Variants in A4GALT observed in about 807,000 individuals in gnomAD.
A4GALT encodes the protein lactosylceramide 4-alpha-galactosyltransferase.
For missense variants in A4GALT, 512 were observed against 486.0 expected (o/e 1.05, Z -0.50); for synonymous variants, 257 against 220.7 (o/e 1.16, Z -1.46).
intron 1 of A4GALT, among the ~76,000 whole-genome samples, chr22:42,715,140 G>T (rs889169967): frequency 6.6e-6 from 1 of 152,098 alleles, no homozygotes; most frequent in Non-Finnish European, 1.5e-5. Context: ...TGATTGGGAT[G>T]ATTTTGGGAG....
At chr22:42,711,000 A>C (rs570216454) in intron 1 of A4GALT, among the ~76,000 whole-genome samples, 1 of 150,972 alleles carries the variant, frequency 6.6e-6, no homozygotes, top group Admixed American at 6.6e-5. Context: ...ACTCCAGCGT[A>C]GATGACACAG....
intron 1 of A4GALT, among the ~76,000 whole-genome samples, chr22:42,709,067 A>ATATATATATATATATTTT (rs1180529043): frequency 1.1e-4 from 14 of 128,834 alleles, no homozygotes; most frequent in South Asian, 2.6e-4. Flanking sequence ...ATATATATAT[A>ATATATATATATATATTTT]TTTTTTTTAA....
intron 1 of A4GALT, among the ~76,000 whole-genome samples, chr22:42,709,826 G>A (rs1158199866): frequency 6.6e-6 from 1 of 152,008 alleles, no homozygotes; most frequent in Non-Finnish European, 1.5e-5. Flanking sequence ...GGGTGATTCA[G>A]GAATGCAAGT....
At chr22:42,698,468 C>G (rs928628192) in intron 1 of A4GALT, among the ~76,000 whole-genome samples, 1 of 152,222 alleles carries the variant, frequency 6.6e-6, no homozygotes, top group Non-Finnish European at 1.5e-5. Context: ...AGTAAGGGCG[C>G]TACCCCTCCA....
At chr22:42,699,953 C>A (rs1931189698) in intron 1 of A4GALT, among the ~76,000 whole-genome samples, 1 of 152,216 alleles carries the variant, frequency 6.6e-6, no homozygotes, top group Non-Finnish European at 1.5e-5. Flanking sequence ...TCCTGCCTCA[C>A]TGCTGAGCTG....
intron 1 of A4GALT, among the ~76,000 whole-genome samples, 161 bp downstream of exon 1, chr22:42,720,636 C>T (rs1922640567): frequency 6.6e-6 from 1 of 151,938 alleles, no homozygotes; most frequent in Admixed American, 6.5e-5. Context: ...GGGGTTCGTG[C>T]GCGCACAAAT....
At chr22:42,700,790 C>T (rs567778586) in intron 1 of A4GALT, among the ~76,000 whole-genome samples, 1 of 152,356 alleles carries the variant, frequency 6.6e-6, no homozygotes, top group East Asian at 1.9e-4. Context: ...GCCCAGCCCA[C>T]GGAACAGGCC....
chr22:42,719,950 C>G (rs565703181), intron 1 of A4GALT, among the ~76,000 whole-genome samples: 68 of 152,262 alleles, frequency 4.5e-4, no homozygotes, highest in Middle Eastern at 3.4e-3. Flanking sequence ...CCACTCAGGG[C>G]CAGAGGCTCA....
intron 1 of A4GALT, among the ~76,000 whole-genome samples, chr22:42,699,578 G>C (rs747936600): frequency 1.3e-5 from 2 of 152,168 alleles, no homozygotes; most frequent in African/African-American, 2.4e-5. Context: ...TGCAGGGCAA[G>C]GGGAGGGCTC....
At position 42,703,705 on chromosome 22, in the gene A4GALT, G is replaced by A. The variant is rs1029220824; in HGVS notation, c.-187-8074C>T. On this transcript the variant is annotated intron_variant, in intron 1 of 2. Transcript: ENST00000642412. ...CCTCAGATTCCCTTCTGCACAGTGC[G>A]GGGAAGGGAGGGTGCAGGCTAACCA... 2.6e-5 allele frequency among the ~76,000 whole-genome samples: 4 copies of A among 152,154 alleles called. No individual in the cohort carries two copies. The East Asian group carries it at 5.8e-4, about 22-fold the overall frequency.
chr22:42,716,494 A>T (rs1461129668), intron 1 of A4GALT, among the ~76,000 whole-genome samples: 1 of 152,114 alleles, frequency 6.6e-6, no homozygotes, highest in Non-Finnish European at 1.5e-5. Context: ...TCAATCCCTC[A>T]CCATCCTGTG....
intron 1 of A4GALT, among the ~76,000 whole-genome samples, chr22:42,707,333 A>G (rs368677776): frequency 7.2e-5 from 11 of 152,316 alleles, no homozygotes; most frequent in Middle Eastern, 3.4e-3. Flanking sequence ...AAAAAATTTT[A>G]TCTATGGGAT....
At chr22:42,700,493 A>G (rs896617900) in intron 1 of A4GALT, among the ~76,000 whole-genome samples, 7 of 152,182 alleles carry the variant, frequency 4.6e-5, no homozygotes. Context: ...GGGGCGCATC[A>G]GTGACCACGA....
chr22:42,711,203 T>C (rs1921662116), intron 1 of A4GALT, among the ~76,000 whole-genome samples: 1 of 152,142 alleles, frequency 6.6e-6, no homozygotes, highest in Non-Finnish European at 1.5e-5. Context: ...ACAAGTAAGC[T>C]AGAGCAAGGA....
chr22:42,706,781 T>A (rs1921178031), intron 1 of A4GALT, among the ~76,000 whole-genome samples: 1 of 141,390 alleles, frequency 7.1e-6, no homozygotes, highest in Non-Finnish European at 1.5e-5. Context: ...GGTGATGGAG[T>A]GAGACTCCAT....
chr22:42,708,953 C>A (rs1921412703), intron 1 of A4GALT, among the ~76,000 whole-genome samples: 1 of 151,156 alleles, frequency 6.6e-6, no homozygotes, highest in Non-Finnish European at 1.5e-5. Flanking sequence ...ACAAAAGCAC[C>A]AGGGCAAAAC....
At chr22:42,712,631 G>A (rs1002548292) in intron 1 of A4GALT, among the ~76,000 whole-genome samples, 7 of 151,926 alleles carry the variant, frequency 4.6e-5, no homozygotes, top group South Asian at 2.1e-4. Flanking sequence ...TAGCAAGGCC[G>A]AGTGTGGTGA....
chr22:42,712,060 C>T (rs1370741350), intron 1 of A4GALT, among the ~76,000 whole-genome samples: 1 of 152,202 alleles, frequency 6.6e-6, no homozygotes, highest in Admixed American at 6.5e-5. Context: ...ACAGCTGCCT[C>T]ATTATTTGAA....
chr22:42,692,694 C>T lies in A4GALT; in HGVS notation c.*196G>A, dbSNP rs1467134708. 4.0e-5 allele frequency: 29 copies of T among 730,960 alleles called. No individual in the cohort carries two copies. Among genetic ancestry groups the T allele is most frequent in the Non-Finnish European group, 7.0e-5 (29 of 413,874 alleles). 45.3% of individuals were successfully genotyped at this position (730,960 alleles called of 1,614,324 possible). On this transcript the variant is annotated 3_prime_UTR_variant, in exon 3 of 3. Coordinates refer to ENST00000642412, the MANE Select transcript of A4GALT (RefSeq NM_017436.7). This position sits in a 1 kb window ranked among gnomAD's most constrained non-coding sequence, Gnocchi z 4.6. ...GCTGGCTATGGCACCATGTGTCAGC[C>T]CTGCCTCGAGACAGGACACTGTCCT... is the stretch of plus-strand genomic sequence containing the variant.
Sources: allele counts gnomAD v4.1 joint callset (sites outside exome capture counted in the v4.1 genomes callset), GRCh38; gene constraint gnomAD v4.1.1; non-coding constraint Gnocchi (gnomAD v3.1); transcripts MANE v1.5; gene names NCBI Gene and HGNC (gene_info 2026-07-23, HGNC 2026-07-21).